Variants in CHD6 observed in about 807,000 individuals in gnomAD.
CHD6 encodes the protein chromodomain helicase DNA binding protein 6, also known as ATP-dependent chromatin remodeler CHD6.
Under a neutral mutation model 276.9 loss-of-function variants are expected in CHD6, and 50 were observed. The observed-to-expected ratio is 0.18, with a 90% CI of 0.14 to 0.23. The LOEUF (loss-of-function observed/expected upper bound fraction) is 0.23, where lower values mean the gene tolerates loss of function less well. Among genes scored for constraint, CHD6 ranks in the 10% least tolerant of loss-of-function variants. CHD6 has a pLI of 1.00. For synonymous variants in CHD6, 1,173 were observed against 1,229.3 expected (o/e 0.95, Z 0.96); for missense variants, 2,564 against 3,365.8 (o/e 0.76, Z 5.89).
intron 1 of CHD6, among the ~76,000 whole-genome samples, chr20:41,560,741 C>CT (rs576990203): frequency 9.4e-4 from 141 of 150,398 alleles, no homozygotes; most frequent in African/African-American, 3.3e-3. Context: ...TTTTTTCCTC[C>CT]TAATCCAATC....
intron 10 of CHD6, among the ~76,000 whole-genome samples, chr20:41,492,602 T>C (rs191706964): frequency 2.4e-4 from 36 of 152,324 alleles, no homozygotes; most frequent in Admixed American, 5.9e-4. Flanking sequence ...AACAACTGAT[T>C]CTCTTTTCAA....
Position 41,423,505 on chromosome 20 carries a change from T to C in CHD6, c.4542A>G (p.Thr1514=), listed in dbSNP as rs910920298. The change falls in exon 30 of 37, where the codon ACA becomes ACG. Residue 1514 remains threonine (T), a synonymous_variant. Transcript: ENST00000373233. ...TAGTTTTCTCACCGCCATCTTTCCA[T>C]GTGGGTAGACGACAGACATTCCGGC... ...AMCRNVCRLP[T]WKDGGPPDTT... The C allele has an allele frequency of 8.7e-6, 14 of 1,614,000 alleles. No individual in the cohort carries two copies. The Admixed American group carries it at 1.7e-4, about 19-fold the overall frequency.
chr20:41,540,063 G>A (rs899306286), intron 2 of CHD6, among the ~76,000 whole-genome samples: 1 of 152,154 alleles, frequency 6.6e-6, no homozygotes, highest in Non-Finnish European at 1.5e-5. Context: ...TACGACTGTG[G>A]GCAGCTTTCA....
chr20:41,449,427 G>A (rs2048169656), intron 23 of CHD6, among the ~76,000 whole-genome samples: 1 of 152,166 alleles, frequency 6.6e-6, no homozygotes, highest in Admixed American at 6.5e-5. Context: ...TTTCTATAAA[G>A]AGAAACAAAT....
At position 41,495,773 on chromosome 20, in the gene CHD6, T is replaced by A. The variant is rs554524043; in HGVS notation, c.1092+1611A>T. Among the ~76,000 whole-genome samples, 7 of 152,344 alleles carry A rather than the reference T, an allele frequency of 4.6e-5. No homozygotes were observed. In the South Asian group the frequency reaches 1.0e-3, roughly 23 times the overall value. On this transcript the variant is annotated intron_variant, in intron 8 of 36. Coordinates refer to ENST00000373233, the MANE Select transcript of CHD6 (RefSeq NM_032221.5). ...TAATTTTTTGACAATTATACTCCAATAAAGCTTAAAACGGCAAGAAAACTA... is the reference window on the plus strand; with the variant it reads ...TAATTTTTTGACAATTATACTCCAAAAAAGCTTAAAACGGCAAGAAAACTA...
In CHD6 at chr20:41,452,089, C is replaced by A; in HGVS notation, c.3324-64G>T. The A allele has an allele frequency of 8.0e-7, 1 of 1,243,784 alleles. No homozygotes were observed. Among genetic ancestry groups the A allele is most frequent in the East Asian group, 2.4e-5 (1 of 41,730 alleles). The allele number at this position is 1,243,784 out of a possible 1,614,324, so 77.0% of individuals were successfully genotyped here. A position where few individuals can be genotyped will look rare whatever the true frequency, so the allele number is the denominator to read the frequency against. ...GGACCAGGCCATGCAGGCAGCCTCC[C>A]CACAGGAGGAGAAACAAGAGCCATA... is the stretch of plus-strand genomic sequence containing the variant. On this transcript the variant is annotated intron_variant, in intron 21 of 36. Coordinates refer to ENST00000373233, the MANE Select transcript of CHD6 (RefSeq NM_032221.5). The surrounding 1 kb of genome is among the most constrained non-coding windows in gnomAD (Gnocchi z 4.2).
chr20:41,498,799 A>ATGTG (rs1395507136), intron 6 of CHD6, among the ~76,000 whole-genome samples: 6 of 94,776 alleles, frequency 6.3e-5, no homozygotes, highest in African/African-American at 2.8e-4. Context: ...GTATGTATGT[A>ATGTG]TGTATGTATG....
intron 7 of CHD6, chr20:41,497,860 T>C (rs1601011411): frequency 2.3e-6 from 1 of 434,738 alleles, no homozygotes; most frequent in East Asian, 4.3e-5. Flanking sequence ...AGTGGTTCTC[T>C]ACCCTGGTTG....
intron 2 of CHD6, 117 bp from the exon 3 acceptor site, chr20:41,533,687 C>T: frequency 2.2e-6 from 2 of 901,282 alleles, no homozygotes; most frequent in Non-Finnish European, 3.3e-6. Context: ...TTCCCACTCT[C>T]TGTTAGTTCC....
intron 1 of CHD6, among the ~76,000 whole-genome samples, chr20:41,578,439 T>C (rs1330396109): frequency 6.6e-6 from 1 of 152,198 alleles, no homozygotes; most frequent in African/African-American, 2.4e-5. Flanking sequence ...TGTTACTTAT[T>C]AACAAGATGA....
Position 41,498,242 on chromosome 20 carries a change from A to G in CHD6, c.916-16T>C, listed in dbSNP as rs1601012369. The G allele has an allele frequency of 6.2e-7, 1 of 1,603,720 alleles. No homozygotes were observed. The highest frequency in any genetic ancestry group is 8.5e-7 in the Non-Finnish European group (1 of 1,173,726). ...CTGGGTGAACCTGTAACAAACAGCA[A>G]GCAGTTATCAGCCCAGATCCCAGGC... On this transcript the variant is annotated splice_polypyrimidine_tract_variant and intron_variant, in intron 6 of 36. Transcript: ENST00000373233.
At chr20:41,543,730 G>A (rs1007421517) in intron 2 of CHD6, among the ~76,000 whole-genome samples, 1 of 152,178 alleles carries the variant, frequency 6.6e-6, no homozygotes, top group Non-Finnish European at 1.5e-5. Context: ...AACCACCATC[G>A]TAAGAATGTA....
Position 41,415,411 on chromosome 20 carries a change from G to A in CHD6, c.6714C>T (p.Ser2238=). Residue 2238 remains serine (S), a synonymous_variant, in exon 34 of 37, where the codon AGC becomes AGT. Transcript: ENST00000373233. The part of the protein sequence containing the change: ...GATSPFPVSA[S]TPKIGAISSL... ...AACTGATAGCCCCAATCTTAGGGGT[G>A]CTGGCGCTCACTGGGAAAGGGGATG... 1 of 1,613,018 alleles carries A rather than the reference G, an allele frequency of 6.2e-7. No individual in the cohort carries two copies. The highest frequency in any genetic ancestry group is 8.5e-7 in the Non-Finnish European group (1 of 1,179,414).
Position 41,568,711 on chromosome 20 carries a change from T to C in CHD6, c.-23-17351A>G, listed in dbSNP as rs531833430. ...TCCCTTTGTTTAAAGAGAAGACACA[T>C]AATGGATTCTGAATCTGACACAAAT... On this transcript the variant is annotated intron_variant, in intron 1 of 36. Transcript: ENST00000373233. Among the ~76,000 whole-genome samples, 116 of 152,348 alleles carry C rather than the reference T, an allele frequency of 7.6e-4. 1 individual carries two copies. The highest frequency in any genetic ancestry group is 5.6e-3 in the South Asian group (27 of 4,828).
At chr20:41,427,141 AG>A (rs1378634780) in intron 27 of CHD6, among the ~76,000 whole-genome samples, 1 of 151,898 alleles carries the variant, frequency 6.6e-6, no homozygotes, top group Non-Finnish European at 1.5e-5. Context: ...ATGGCCTTCT[AG>A]CCCAGGGTAT....
At chr20:41,494,567 C>T (rs1344183546) in intron 8 of CHD6, among the ~76,000 whole-genome samples, 2 of 152,144 alleles carry the variant, frequency 1.3e-5, no homozygotes, top group Admixed American at 6.5e-5. Flanking sequence ...GGAGTAGGTA[C>T]TATAATTACC....
chr20:41,470,326 T>C (rs1302363601), intron 17 of CHD6, among the ~76,000 whole-genome samples: 1 of 151,882 alleles, frequency 6.6e-6, no homozygotes, highest in Non-Finnish European at 1.5e-5. Flanking sequence ...TCTCAATTCC[T>C]TCATCTCTAC....
At chr20:41,541,853 G>A (rs1248329335) in intron 2 of CHD6, among the ~76,000 whole-genome samples, 1 of 151,844 alleles carries the variant, frequency 6.6e-6, no homozygotes, top group Non-Finnish European at 1.5e-5. Context: ...CCATATTTTT[G>A]CAATTAAAAT....
chr20:41,478,390 G>A (rs993394575), intron 16 of CHD6, among the ~76,000 whole-genome samples: 3 of 152,144 alleles, frequency 2.0e-5, no homozygotes, highest in African/African-American at 7.2e-5. Flanking sequence ...ACCTACCTGA[G>A]GGCACTGGCG....
Sources: gnomAD v4.1 joint callset for allele counts (sites outside exome capture counted in the v4.1 genomes callset) on GRCh38, gnomAD v4.1.1 for gene constraint, Gnocchi (gnomAD v3.1) non-coding constraint, MANE v1.5 for transcripts, NCBI Gene and HGNC (gene_info 2026-07-23, HGNC 2026-07-21) for gene names.